The following ZFHX3 variants were observed in gnomAD, a reference collection of about 807,000 sequenced individuals.
ZFHX3 encodes zinc finger homeobox protein 3.
A neutral mutation model predicts 279.1 loss-of-function variants in ZFHX3; 42 were observed. The observed-to-expected ratio is 0.15, with a 90% confidence interval of 0.12 to 0.19. The LOEUF (loss-of-function observed/expected upper bound fraction) is 0.19, where lower values mean the gene tolerates loss of function less well. Ranked by LOEUF, ZFHX3 falls within the 10% of genes least tolerant of loss-of-function variation. The pLI, the probability that ZFHX3 is intolerant of heterozygous loss-of-function variation, is 1.00. For missense variants in ZFHX3, 4,981 were observed against 4,754.0 expected (o/e 1.05, Z -1.40); for synonymous variants, 2,293 against 1,957.8 (o/e 1.17, Z -4.52).
intron 1 of ZFHX3, among the ~76,000 whole-genome samples, chr16:73,851,326 T>C (rs995653408): frequency 6.6e-6 from 1 of 152,146 alleles, no homozygotes; most frequent in African/African-American, 2.4e-5. Context: ...GACAATTCCA[T>C]CATAAAGTTA....
chr16:73,753,157 A>G (rs1821029751), intron 1 of ZFHX3, among the ~76,000 whole-genome samples: 1 of 152,152 alleles, frequency 6.6e-6, no homozygotes, highest in African/African-American at 2.4e-5. Flanking sequence ...TCCATAAGCT[A>G]CATTCAGGCA....
intron 4 of ZFHX3, among the ~76,000 whole-genome samples, chr16:73,283,875 G>A (rs2014520865): frequency 6.6e-6 from 1 of 152,114 alleles, no homozygotes; most frequent in Admixed American, 6.5e-5. Flanking sequence ...CTTGAGCCCA[G>A]GAGTTCGAAT....
At chr16:73,015,856 C>T (rs1964083894) in intron 1 of ZFHX3, 1 of 152,290 alleles carries the variant, frequency 6.6e-6, no homozygotes, top group East Asian at 1.9e-4. Flanking sequence ...ACATCAGAAG[C>T]TGGCTGCCGG....
chr16:73,325,902 AACACAC>A (rs112302302), intron 3 of ZFHX3, among the ~76,000 whole-genome samples: 12 of 91,318 alleles, frequency 1.3e-4, no homozygotes, highest in South Asian at 3.8e-4. Flanking sequence ...CACACACACA[AACACAC>A]ACACACACAC....
chr16:73,222,677 C>A (rs1343134501), intron 5 of ZFHX3, among the ~76,000 whole-genome samples: 2 of 151,956 alleles, frequency 1.3e-5, no homozygotes, highest in African/African-American at 2.4e-5. Context: ...TAGTCTCAAT[C>A]AAAAGCCTAG....
intron 4 of ZFHX3, among the ~76,000 whole-genome samples, chr16:72,871,747 G>T (rs1405369822): frequency 3.3e-5 from 5 of 150,180 alleles, no homozygotes; most frequent in Non-Finnish European, 7.4e-5. Flanking sequence ...AAAGTGCTAG[G>T]ATTACAGGTG....
At chr16:73,839,984 C>G (rs983946310) in intron 1 of ZFHX3, among the ~76,000 whole-genome samples, 3 of 152,180 alleles carry the variant, frequency 2.0e-5, no homozygotes, top group Admixed American at 2.0e-4. Context: ...TGTGTCCTCC[C>G]ATGTTCAATA....
chr16:73,242,605 A>C (rs2013156720), intron 5 of ZFHX3, among the ~76,000 whole-genome samples: 1 of 152,232 alleles, frequency 6.6e-6, no homozygotes. Flanking sequence ...AAAGAGATCA[A>C]TTATTTCTTC....
intron 2 of ZFHX3, among the ~76,000 whole-genome samples, chr16:73,576,965 T>C (rs963321236): frequency 1.3e-5 from 2 of 152,206 alleles, no homozygotes; most frequent in Non-Finnish European, 2.9e-5. Flanking sequence ...TGGGATCTTT[T>C]AGTTAGATCT....
At chr16:73,377,772 G>A (rs1341561525) in intron 3 of ZFHX3, among the ~76,000 whole-genome samples, 8 of 151,104 alleles carry the variant, frequency 5.3e-5, no homozygotes, top group East Asian at 1.9e-4. Flanking sequence ...GGTGGCTCAC[G>A]CCTGTAATCC....
chr16:73,026,200 A>C (rs1216097886), intron 1 of ZFHX3, among the ~76,000 whole-genome samples: 1 of 91,958 alleles, frequency 1.1e-5, no homozygotes, highest in African/African-American at 3.9e-5. Context: ...TACAAAAAAA[A>C]AAAAAAAAAA....
chr16:73,288,222 G>T (rs1226662438), intron 4 of ZFHX3, among the ~76,000 whole-genome samples: 1 of 151,980 alleles, frequency 6.6e-6, no homozygotes, highest in African/African-American at 2.4e-5. Flanking sequence ...GGGTGGAGAG[G>T]TGGGAAGGAG....
chr16:73,411,642 C>G (rs1409380369), intron 3 of ZFHX3, among the ~76,000 whole-genome samples: 1 of 152,142 alleles, frequency 6.6e-6, no homozygotes, highest in Admixed American at 6.5e-5. Flanking sequence ...TTAAAATTAA[C>G]TATCAGCATA....
At chr16:73,163,664 G>A (rs1001091757) in intron 5 of ZFHX3, among the ~76,000 whole-genome samples, 1 of 152,210 alleles carries the variant, frequency 6.6e-6, no homozygotes, top group Non-Finnish European at 1.5e-5. Flanking sequence ...CAGTTCAGAA[G>A]AGTGCACGTT....
intron 5 of ZFHX3, among the ~76,000 whole-genome samples, chr16:73,150,812 AC>A (rs538571689): frequency 4.6e-5 from 7 of 152,246 alleles, no homozygotes; most frequent in Non-Finnish European, 7.4e-5. Flanking sequence ...GTACATTTTA[AC>A]CCTTAACATG....
chr16:73,249,431 C>T (rs1224777454), intron 5 of ZFHX3, among the ~76,000 whole-genome samples: 9 of 152,142 alleles, frequency 5.9e-5, no homozygotes, highest in East Asian at 3.9e-4. Flanking sequence ...CTTACAATCA[C>T]GGCAGAAGGT....
At chr16:73,689,227 A>G in intron 1 of ZFHX3, among the ~76,000 whole-genome samples, 1 of 152,200 alleles carries the variant, frequency 6.6e-6, no homozygotes, top group East Asian at 1.9e-4. Flanking sequence ...TGAAACCTCT[A>G]AAGTTCTATG....
At chr16:73,627,208 A>G (rs1456556867) in intron 2 of ZFHX3, among the ~76,000 whole-genome samples, 1 of 152,204 alleles carries the variant, frequency 6.6e-6, no homozygotes, top group African/African-American at 2.4e-5. Context: ...GCAATAGCAA[A>G]CTGACTCCAC....
chr16:73,580,851 C>A (rs1160443939), intron 2 of ZFHX3, among the ~76,000 whole-genome samples: 1 of 151,784 alleles, frequency 6.6e-6, no homozygotes, highest in African/African-American at 2.4e-5. Context: ...TTTTTGTGTT[C>A]TTTTGACATG....
Sources: gnomAD v4.1 joint callset for allele counts (sites outside exome capture counted in the v4.1 genomes callset) on GRCh38, gnomAD v4.1.1 for gene constraint, MANE v1.5 for transcripts, NCBI Gene and HGNC (gene_info 2026-07-23, HGNC 2026-07-21) for gene names.